The following SUGCT variants were observed in gnomAD, a reference collection of about 807,000 sequenced individuals.
SUGCT encodes the protein succinyl-CoA:glutarate-CoA transferase, also known as succinyl-CoA:glutarate CoA-transferase.
In SUGCT, 41 loss-of-function variants were observed where a neutral mutation model predicts 55.0. That is an observed-to-expected ratio of 0.74 (90% CI 0.58 to 0.97). SUGCT has a LOEUF of 0.97. Ranked by LOEUF, SUGCT falls within the 50% of genes least tolerant of loss-of-function variation. The pLI is 0.00. For synonymous variants in SUGCT, 187 were observed against 200.4 expected (o/e 0.93, Z 0.56); for missense variants, 568 against 547.8 (o/e 1.04, Z -0.37).
At chr7:40,588,267 A>G (rs1206806600) in intron 12 of SUGCT, among the ~76,000 whole-genome samples, 1 of 151,470 alleles carries the variant, frequency 6.6e-6, no homozygotes, top group Non-Finnish European at 1.5e-5. Flanking sequence ...GTTTTAGGGT[A>G]CATGTGCACA....
intron 9 of SUGCT, among the ~76,000 whole-genome samples, chr7:40,362,745 C>A (rs1798217211): frequency 6.6e-6 from 1 of 152,050 alleles, no homozygotes; most frequent in South Asian, 2.1e-4. Flanking sequence ...TTGAAATGTA[C>A]AACTCAGTGG....
At chr7:40,400,052 A>C (rs1785977208) in intron 9 of SUGCT, among the ~76,000 whole-genome samples, 1 of 152,154 alleles carries the variant, frequency 6.6e-6, no homozygotes, top group South Asian at 2.1e-4. Context: ...CATTTCAAAA[A>C]ATAATAATAA....
At chr7:40,354,029 A>T (rs886118898) in intron 9 of SUGCT, among the ~76,000 whole-genome samples, 2 of 152,312 alleles carry the variant, frequency 1.3e-5, no homozygotes, top group South Asian at 4.1e-4. Flanking sequence ...GTATTAGTTT[A>T]GGCTATTTTC....
chr7:40,519,747 T>C (rs1388038325), intron 12 of SUGCT, among the ~76,000 whole-genome samples: 1 of 151,948 alleles, frequency 6.6e-6, no homozygotes, highest in East Asian at 1.9e-4. Context: ...AACAAAGAAA[T>C]CTTATATTAA....
intron 12 of SUGCT, among the ~76,000 whole-genome samples, chr7:40,513,361 A>G (rs748344688): frequency 3.3e-5 from 5 of 152,166 alleles, no homozygotes; most frequent in Admixed American, 6.5e-5. Context: ...ACTTTAGTAT[A>G]TGGATATGTG....
intron 9 of SUGCT, among the ~76,000 whole-genome samples, chr7:40,374,059 T>A (rs1329910020): frequency 6.6e-6 from 1 of 152,166 alleles, no homozygotes; most frequent in Admixed American, 6.6e-5. Flanking sequence ...TCTACTGAGT[T>A]ACATGGCACC....
intron 13 of SUGCT, among the ~76,000 whole-genome samples, chr7:40,834,812 T>C (rs557592522): frequency 1.1e-4 from 17 of 152,342 alleles, no homozygotes; most frequent in African/African-American, 4.1e-4. Flanking sequence ...TTATTTGCCA[T>C]GGCTGTTTAG....
At chr7:40,855,339 G>A (rs1358505921) in intron 13 of SUGCT, among the ~76,000 whole-genome samples, 1 of 150,166 alleles carries the variant, frequency 6.7e-6, no homozygotes, top group Non-Finnish European at 1.5e-5. Context: ...CTTTTTTCCT[G>A]GGGTTCTTGT....
intron 13 of SUGCT, among the ~76,000 whole-genome samples, chr7:40,847,411 C>CTTT (rs981613426): frequency 2.7e-3 from 205 of 75,276 alleles, no homozygotes; most frequent in South Asian, 3.6e-3. Context: ...TTCTTTCTTT[C>CTTT]TTTTTTTTTT....
intron 11 of SUGCT, among the ~76,000 whole-genome samples, chr7:40,468,421 C>T (rs73138943): frequency 0.11 from 16,140 of 151,884 alleles, 1,151 homozygotes; most frequent in Middle Eastern, 0.19. Flanking sequence ...AATTTTATTC[C>T]TCCCTCCTTC....
At chr7:40,586,656 TA>T (rs1395536731) in intron 12 of SUGCT, among the ~76,000 whole-genome samples, 1 of 152,166 alleles carries the variant, frequency 6.6e-6, no homozygotes, top group Admixed American at 6.5e-5. Context: ...ACAGTAGTAA[TA>T]ATAACAGCAG....
At chr7:40,427,439 A>C (rs1480995761) in intron 9 of SUGCT, among the ~76,000 whole-genome samples, 1 of 152,156 alleles carries the variant, frequency 6.6e-6, no homozygotes, top group Non-Finnish European at 1.5e-5. Flanking sequence ...TTTCCCCCTT[A>C]ACATAGTGTG....
At chr7:40,961,444 C>T in the SUGCT span, among the ~76,000 whole-genome samples, 1 of 152,176 alleles carries the variant, frequency 6.6e-6, no homozygotes, top group African/African-American at 2.4e-5. Context: ...CTTTTGTGAT[C>T]AATCACCTCC....
chr7:40,700,026 GA>G (rs1562953047), intron 12 of SUGCT, among the ~76,000 whole-genome samples: 1 of 152,090 alleles, frequency 6.6e-6, no homozygotes, highest in Admixed American at 6.6e-5. Flanking sequence ...CTTTATTGGA[GA>G]AATCTTTTGG....
chr7:41,005,387 A>T, the SUGCT span, among the ~76,000 whole-genome samples: 1 of 152,132 alleles, frequency 6.6e-6, no homozygotes, highest in East Asian at 1.9e-4. Flanking sequence ...CATGAGGGAT[A>T]AAAGAGGTGT....
chr7:40,310,287 G>C (rs1474060794), intron 8 of SUGCT, among the ~76,000 whole-genome samples: 3 of 152,054 alleles, frequency 2.0e-5, no homozygotes, highest in Non-Finnish European at 4.4e-5. Flanking sequence ...TCCCAGTCGA[G>C]GAAAATTCTA....
chr7:40,350,463 AC>A, intron 9 of SUGCT, among the ~76,000 whole-genome samples: 1 of 149,606 alleles, frequency 6.7e-6, no homozygotes, highest in Admixed American at 6.7e-5. Context: ...ACAGGTGACC[AC>A]CGCCACACCT....
At chr7:40,183,717 G>C (rs1249691603) in intron 3 of SUGCT, among the ~76,000 whole-genome samples, 1 of 152,120 alleles carries the variant, frequency 6.6e-6, no homozygotes, top group Non-Finnish European at 1.5e-5. Flanking sequence ...GCTTAGATCA[G>C]TTTTTTGCTT....
chr7:40,364,953 C>G (rs1783851666), intron 9 of SUGCT, among the ~76,000 whole-genome samples: 1 of 152,004 alleles, frequency 6.6e-6, no homozygotes. Context: ...GGCAGAGACA[C>G]AACCAAAAAA....
Sources: gnomAD v4.1 joint callset for allele counts (sites outside exome capture counted in the v4.1 genomes callset) on GRCh38, gnomAD v4.1.1 for gene constraint, MANE v1.5 for transcripts, NCBI Gene and HGNC (gene_info 2026-07-23, HGNC 2026-07-21) for gene names.